The following SMYD3 variants were observed in gnomAD, a reference collection of about 807,000 sequenced individuals.
The protein encoded by SMYD3 is SET and MYND domain containing 3, also known as histone-lysine N-methyltransferase SMYD3.
A neutral mutation model predicts 57.7 loss-of-function variants in SMYD3; 36 were observed. The ratio of observed to expected loss-of-function variants is 0.62; its 90% CI spans 0.48 to 0.82. The LOEUF (loss-of-function observed/expected upper bound fraction) is 0.82. Ranked by LOEUF, SMYD3 falls within the 40% of genes least tolerant of loss-of-function variation. The pLI is 0.00. For synonymous variants in SMYD3, 211 were observed against 195.0 expected (o/e 1.08, Z -0.68); for missense variants, 515 against 538.8 (o/e 0.96, Z 0.44).
At position 245,783,557 on chromosome 1, in the gene SMYD3, CA is replaced by C. The variant is rs147535184; in HGVS notation, c.1077-19409del. ...GGAAGTACTAGCCAGTGTAATAAGG[CA>C]AAAAAAAAATAACAGGATATAGAAT... is the stretch of plus-strand genomic sequence containing the variant. On this transcript the variant is annotated intron_variant, in intron 10 of 11. Transcript: ENST00000490107. Among the ~76,000 whole-genome samples, 17 of 146,172 alleles carry C rather than the reference CA, an allele frequency of 1.2e-4. 1 individual carries two copies. Among genetic ancestry groups the C allele is most frequent in the Admixed American group, 5.4e-4 (8 of 14,714 alleles).
chr1:246,073,491 C>A (rs947156355), intron 5 of SMYD3, among the ~76,000 whole-genome samples: 1 of 152,030 alleles, frequency 6.6e-6, no homozygotes, highest in Non-Finnish European at 1.5e-5. Flanking sequence ...CCAAGGCGGG[C>A]AGATCGCTTG....
At chr1:246,438,866 A>G (rs912920855) in intron 1 of SMYD3, among the ~76,000 whole-genome samples, 4 of 151,284 alleles carry the variant, frequency 2.6e-5, no homozygotes, top group Admixed American at 1.3e-4. Flanking sequence ...AGTTCACAAT[A>G]GGGTTCACGC....
At chr1:246,335,503 G>A (rs909273995) in intron 2 of SMYD3, 29 bp from the exon 3 acceptor site, 2 of 1,585,840 alleles carry the variant, frequency 1.3e-6, no homozygotes, top group African/African-American at 1.3e-5. Flanking sequence ...GGAGAACATA[G>A]GTGACCTAAA....
intron 5 of SMYD3, among the ~76,000 whole-genome samples, chr1:246,207,632 G>A (rs779105807): frequency 8.6e-5 from 13 of 151,928 alleles, no homozygotes; most frequent in African/African-American, 1.2e-4. Context: ...ACAAAGAAAC[G>A]TACAACTTAA....
intron 5 of SMYD3, among the ~76,000 whole-genome samples, chr1:246,312,193 T>C (rs1007387827): frequency 1.3e-5 from 2 of 152,148 alleles, no homozygotes; most frequent in African/African-American, 4.8e-5. Context: ...TGCAGGGTCC[T>C]CAAATGCCAT....
intron 5 of SMYD3, among the ~76,000 whole-genome samples, chr1:246,257,236 T>C (rs368433781): frequency 1.0e-3 from 157 of 152,282 alleles, no homozygotes; most frequent in African/African-American, 3.6e-3. Flanking sequence ...GCCTCAGTGA[T>C]CTAATAGTGA....
chr1:245,941,185 G>A (rs896616657), intron 5 of SMYD3, among the ~76,000 whole-genome samples: 7 of 152,148 alleles, frequency 4.6e-5, no homozygotes, highest in African/African-American at 1.2e-4. Flanking sequence ...CCAAATCTAC[G>A]AATGATTGGG....
intron 1 of SMYD3, among the ~76,000 whole-genome samples, chr1:246,427,936 C>T (rs945301583): frequency 1.3e-5 from 2 of 152,262 alleles, no homozygotes; most frequent in Admixed American, 6.5e-5. Flanking sequence ...AAATCCTTAA[C>T]TTATTACAGA....
intron 1 of SMYD3, among the ~76,000 whole-genome samples, chr1:246,450,015 TG>T (rs1339997293): frequency 3.3e-5 from 5 of 152,120 alleles, no homozygotes; most frequent in Non-Finnish European, 7.4e-5. Context: ...AGGCCGGGCA[TG>T]GTGGCTCACA....
intron 1 of SMYD3, among the ~76,000 whole-genome samples, chr1:246,422,651 A>AC (rs1161115162): frequency 2.0e-5 from 3 of 152,114 alleles, no homozygotes; most frequent in African/African-American, 7.2e-5. Context: ...CGAACTCCTG[A>AC]CCTCAAGTGA....
At chr1:245,843,692 G>T (rs558601973) in intron 10 of SMYD3, among the ~76,000 whole-genome samples, 1 of 152,274 alleles carries the variant, frequency 6.6e-6, no homozygotes, top group African/African-American at 2.4e-5. Context: ...TCAGGATGTT[G>T]TCTTGGAACC....
intron 1 of SMYD3, among the ~76,000 whole-genome samples, chr1:246,360,007 G>T (rs2065964175): frequency 6.6e-6 from 1 of 152,138 alleles, no homozygotes; most frequent in African/African-American, 2.4e-5. Flanking sequence ...AATTAGTAGA[G>T]GAAGTCAAAC....
chr1:246,262,632 A>G (rs2064032587), intron 5 of SMYD3, among the ~76,000 whole-genome samples: 1 of 152,046 alleles, frequency 6.6e-6, no homozygotes, highest in Non-Finnish European at 1.5e-5. Flanking sequence ...CACAGCGTCT[A>G]CCATTTCTCT....
intron 5 of SMYD3, among the ~76,000 whole-genome samples, chr1:246,264,580 C>G (rs2064069821): frequency 6.6e-6 from 1 of 152,164 alleles, no homozygotes; most frequent in Non-Finnish European, 1.5e-5. Flanking sequence ...CAAAGAATAG[C>G]TTTTGTAATC....
intron 5 of SMYD3, among the ~76,000 whole-genome samples, chr1:246,217,187 G>A (rs1051785310): frequency 6.6e-6 from 1 of 152,040 alleles, no homozygotes; most frequent in Non-Finnish European, 1.5e-5. Context: ...AACCTGAGCA[G>A]GATCCAAGGT....
chr1:246,493,071 T>C (rs889173173), intron 1 of SMYD3, among the ~76,000 whole-genome samples: 10 of 152,178 alleles, frequency 6.6e-5, no homozygotes, highest in African/African-American at 2.4e-4. Flanking sequence ...TACACTTAAA[T>C]AAATAAAAGG....
At chr1:246,180,290 A>ATATATATATAAGTATATATATAAACTACT (rs1406557579) in intron 5 of SMYD3, among the ~76,000 whole-genome samples, 34 of 145,520 alleles carry the variant, frequency 2.3e-4, no homozygotes, top group African/African-American at 7.3e-4. Flanking sequence ...TAAACTACTT[A>ATATATATATAAGTATATATATAAACTACT]TATATATATA....
chr1:245,955,860 T>C, intron 5 of SMYD3: 4 of 819,782 alleles, frequency 4.9e-6, no homozygotes, highest in Non-Finnish European at 5.7e-6. Flanking sequence ...ATTGATGATT[T>C]TGCAATTTGT....
intron 5 of SMYD3, among the ~76,000 whole-genome samples, chr1:246,269,340 T>C (rs2064171501): frequency 6.6e-6 from 1 of 152,184 alleles, no homozygotes; most frequent in Non-Finnish European, 1.5e-5. Flanking sequence ...AATATAATCT[T>C]CTTAACATTA....
Sources: allele counts gnomAD v4.1 joint callset (sites outside exome capture counted in the v4.1 genomes callset), GRCh38; gene constraint gnomAD v4.1.1; transcripts MANE v1.5; gene names NCBI Gene and HGNC (gene_info 2026-07-23, HGNC 2026-07-21).